CNTN4: variants seen among roughly 807,000 people sequenced by gnomAD.
CNTN4 encodes contactin 4, also known as contactin-4.
In CNTN4, 77 loss-of-function variants were observed where a neutral mutation model predicts 122.5. The ratio of observed to expected loss-of-function variants is 0.63; its 90% confidence interval spans 0.52 to 0.76. The LOEUF (loss-of-function observed/expected upper bound fraction) is 0.76, where lower values mean the gene tolerates loss of function less well. CNTN4 is among the 30% of genes least tolerant of loss of function. The pLI is 0.00. For missense variants in CNTN4, 1,256 were observed against 1,259.1 expected (o/e 1.00, Z 0.04); for synonymous variants, 512 against 447.0 (o/e 1.15, Z -1.83).
chr3:2,603,573 A>G (rs2081138008), intron 4 of CNTN4, among the ~76,000 whole-genome samples: 1 of 152,232 alleles, frequency 6.6e-6, no homozygotes, highest in Non-Finnish European at 1.5e-5. Context: ...TCTAAATATT[A>G]AATTCAGAAA....
chr3:2,909,818 G>C (rs2094279867), intron 12 of CNTN4, among the ~76,000 whole-genome samples: 1 of 152,190 alleles, frequency 6.6e-6, no homozygotes, highest in Admixed American at 6.5e-5. Flanking sequence ...TAGCTCTAGA[G>C]TGGGGCCTGG....
In CNTN4 at chr3:2,693,865, C is replaced by T. The variant is rs550982981; in HGVS notation, c.56-42350C>T. Among the ~76,000 whole-genome samples, 213 of 152,222 alleles carry T rather than the reference C, an allele frequency of 1.4e-3. 1 individual carries two copies. Among genetic ancestry groups the T allele is most frequent in the African/African-American group, 5.1e-3 (210 of 41,548 alleles). ...GGTATTTCCACTGCCTTCCACCTTC[C>T]GAGTTGCTGGGCCCCAACTTCTAAG... On this transcript the variant is annotated intron_variant, in intron 4 of 24. Transcript: ENST00000418658.
At chr3:2,223,593 A>G (rs188547948) in intron 2 of CNTN4, among the ~76,000 whole-genome samples, 2 of 152,322 alleles carry the variant, frequency 1.3e-5, no homozygotes, top group Admixed American at 1.3e-4. Flanking sequence ...TGATAATGCT[A>G]TTCTTACAGA....
intron 3 of CNTN4, among the ~76,000 whole-genome samples, chr3:2,557,258 A>G (rs1163356573): frequency 1.3e-5 from 2 of 152,232 alleles, no homozygotes; most frequent in African/African-American, 2.4e-5. Flanking sequence ...AGACACAAAC[A>G]AAGCAAAAAT....
chr3:3,001,374 C>T (rs1696025151), intron 14 of CNTN4, among the ~76,000 whole-genome samples: 1 of 152,144 alleles, frequency 6.6e-6, no homozygotes, highest in South Asian at 2.1e-4. Flanking sequence ...TTCCCAGATG[C>T]ATCACTGGAT....
chr3:2,411,890 A>G lies in CNTN4; in HGVS notation c.-89+72657A>G, dbSNP rs1016970349. On this transcript the variant is annotated intron_variant, in intron 3 of 24. Coordinates refer to ENST00000418658, the MANE Select transcript of CNTN4 (RefSeq NM_175607.3). ...AATATTACGTTTCATCTATTGCTCCATATATGTACTCATGTAACCACTACC... is the reference window on the plus strand; with the variant it reads ...AATATTACGTTTCATCTATTGCTCCGTATATGTACTCATGTAACCACTACC... 7.9e-5 allele frequency among the ~76,000 whole-genome samples: 12 copies of G among 152,288 alleles called. 1 individual carries two copies. Among genetic ancestry groups the G allele is most frequent in the African/African-American group, 2.6e-4 (11 of 41,560 alleles).
At chr3:2,591,210 A>T (rs1435325497) in intron 4 of CNTN4, among the ~76,000 whole-genome samples, 1 of 152,196 alleles carries the variant, frequency 6.6e-6, no homozygotes, top group Non-Finnish European at 1.5e-5. Flanking sequence ...CCATGATCAC[A>T]TTGTCCAGAT....
chr3:2,648,088 G>A (rs1362546046), intron 4 of CNTN4, among the ~76,000 whole-genome samples: 2 of 152,112 alleles, frequency 1.3e-5, no homozygotes, highest in Non-Finnish European at 2.9e-5. Flanking sequence ...ACGCTCTGAA[G>A]ATTTTTTTTT....
intron 4 of CNTN4, among the ~76,000 whole-genome samples, chr3:2,605,941 A>G (rs1445328421): frequency 6.6e-6 from 1 of 152,190 alleles, no homozygotes. Context: ...GGGGATGTGA[A>G]TGATGTAAGT....
chr3:2,980,361 G>C (rs117912057), intron 13 of CNTN4, among the ~76,000 whole-genome samples: 313 of 128,982 alleles, frequency 2.4e-3, no homozygotes, highest in South Asian at 6.1e-3. Context: ...AAGGGCCACA[G>C]GTAGGTCAGG....
chr3:2,382,671 C>T (rs1473010189), intron 3 of CNTN4, among the ~76,000 whole-genome samples: 1 of 152,140 alleles, frequency 6.6e-6, no homozygotes, highest in Admixed American at 6.5e-5. Context: ...CTTTTGCTTC[C>T]AGATTAGACA....
At chr3:2,201,809 T>G (rs1191747506) in intron 2 of CNTN4, among the ~76,000 whole-genome samples, 9 of 152,162 alleles carry the variant, frequency 5.9e-5, no homozygotes. Flanking sequence ...TTCTCCCCGC[T>G]TCAGATATTA....
At chr3:2,248,406 A>G (rs546991887) in intron 2 of CNTN4, among the ~76,000 whole-genome samples, 1 of 152,118 alleles carries the variant, frequency 6.6e-6, no homozygotes, top group African/African-American at 2.4e-5. Context: ...ACCTCATCAC[A>G]TTCTAGAATC....
At chr3:2,179,049 A>C (rs917450482) in intron 2 of CNTN4, among the ~76,000 whole-genome samples, 11 of 151,964 alleles carry the variant, frequency 7.2e-5, no homozygotes, top group African/African-American at 2.4e-4. Context: ...TCACATTTCT[A>C]ATGTGCTCAT....
rs570896766 is a variant in CNTN4 at position 2,673,841 on chromosome 3, C to T, written c.56-62374C>T. Among the ~76,000 whole-genome samples, 40 of 152,274 alleles carry T rather than the reference C, an allele frequency of 2.6e-4. 1 individual carries two copies. The South Asian group carries it at 6.4e-3, about 24-fold the overall frequency. On this transcript the variant is annotated intron_variant, in intron 4 of 24. Transcript: ENST00000418658. Reference sequence around the variant, plus strand: ...ACAGGTGCGAGTCGCTGCGCCCGGCCGGAGGGTCAGTTTTAAGAGGCCTTG... The same window carrying T: ...ACAGGTGCGAGTCGCTGCGCCCGGCTGGAGGGTCAGTTTTAAGAGGCCTTG...
chr3:2,321,692 T>C (rs1419675899), intron 2 of CNTN4, among the ~76,000 whole-genome samples: 1 of 152,046 alleles, frequency 6.6e-6, no homozygotes, highest in Non-Finnish European at 1.5e-5. Flanking sequence ...ATCTCAGGTT[T>C]CTCTTTGTAA....
At position 2,575,806 on chromosome 3, in the gene CNTN4, CTTCTTTTTT is replaced by C. The variant is rs1398254481; in HGVS notation, c.55+4251_55+4259del. 2.5e-4 allele frequency among the ~76,000 whole-genome samples: 27 copies of C among 106,750 alleles called. No homozygotes were observed. The South Asian group carries it at 6.7e-3, about 27-fold the overall frequency. The allele number at this position is 106,750 out of a possible 152,430, so 70.0% of individuals were successfully genotyped here. A position where few individuals can be genotyped will look rare whatever the true frequency, so the allele number is the denominator to read the frequency against. Reference sequence around the variant, plus strand: ...TAATGATATATTTTGCTTTCTTCTTCTTCTTTTTTTTTTTTTTTTTTTTTTTTTTTTGTG... The same window carrying C: ...TAATGATATATTTTGCTTTCTTCTTCTTTTTTTTTTTTTTTTTTTTTTGTG... On this transcript the variant is annotated intron_variant, in intron 4 of 24. Transcript: ENST00000418658.
At chr3:2,637,987 T>C (rs1326774848) in intron 4 of CNTN4, among the ~76,000 whole-genome samples, 2 of 152,214 alleles carry the variant, frequency 1.3e-5, no homozygotes, top group Non-Finnish European at 2.9e-5. Context: ...GGCAAATTGC[T>C]AATTCCTTCA....
At chr3:2,562,680 C>T (rs1420402701) in intron 3 of CNTN4, among the ~76,000 whole-genome samples, 1 of 151,772 alleles carries the variant, frequency 6.6e-6, no homozygotes, top group African/African-American at 2.4e-5. Flanking sequence ...GACAAACATA[C>T]AAGTGCATGT....
Sources: allele counts gnomAD v4.1 joint callset (sites outside exome capture counted in the v4.1 genomes callset), GRCh38; gene constraint gnomAD v4.1.1; transcripts MANE v1.5; gene names NCBI Gene and HGNC (gene_info 2026-07-23, HGNC 2026-07-21).